The following SLC39A12 variants were observed in gnomAD, a reference collection of about 807,000 sequenced individuals.
SLC39A12 encodes solute carrier family 39 member 12.
SLC39A12 carries 63 observed loss-of-function variants against 71.1 expected under a neutral mutation model. That is an observed-to-expected ratio of 0.89 (90% CI 0.72 to 1.09). SLC39A12 has a LOEUF of 1.09. SLC39A12 is among the 50% of genes least tolerant of loss of function. The pLI is 0.00. For missense variants in SLC39A12, 892 were observed against 812.6 expected (o/e 1.10, Z -1.19); for synonymous variants, 351 against 301.3 (o/e 1.16, Z -1.71).
chr10:17,980,182 C>T (rs941511975), intron 5 of SLC39A12, among the ~76,000 whole-genome samples: 2 of 152,084 alleles, frequency 1.3e-5, no homozygotes, highest in African/African-American at 4.8e-5. Context: ...TCTTGGTTTT[C>T]TGATTTCAGT....
At chr10:17,959,304 G>A (rs1834627862) in intron 2 of SLC39A12, among the ~76,000 whole-genome samples, 1 of 151,966 alleles carries the variant, frequency 6.6e-6, no homozygotes, top group South Asian at 2.1e-4. Context: ...TTGAGAGTTG[G>A]TCTTAGTGGA....
chr10:17,992,267 T>A (rs1359149821), intron 8 of SLC39A12, among the ~76,000 whole-genome samples: 1 of 152,116 alleles, frequency 6.6e-6, no homozygotes, highest in Admixed American at 6.5e-5. Context: ...AAAATAATCA[T>A]AGGATCAAGG....
chr10:18,024,950 C>A (rs1836633484), intron 12 of SLC39A12, among the ~76,000 whole-genome samples: 1 of 152,124 alleles, frequency 6.6e-6, no homozygotes, highest in South Asian at 2.1e-4. Context: ...TTCTCCAACC[C>A]TTTACTTACA....
intron 3 of SLC39A12, among the ~76,000 whole-genome samples, chr10:17,963,398 G>A (rs921298105): frequency 1.3e-5 from 2 of 152,126 alleles, no homozygotes; most frequent in African/African-American, 4.8e-5. Context: ...CAGGTTTCTG[G>A]TTATCCCACA....
Position 18,042,814 on chromosome 10 carries a change from A to C in SLC39A12, c.2057A>C (p.Glu686Ala). The C allele has an allele frequency of 6.2e-7, 1 of 1,608,174 alleles. No homozygotes were observed. The highest frequency in any genetic ancestry group is 1.7e-5 in the Admixed American group (1 of 58,888). The change falls in exon 13 of 13, where the codon GAG becomes GCG. Residue 686 changes from glutamate (E) to alanine (A), a missense_variant. Transcript: ENST00000377369. ...WLSLLLLAIY[E>A]QNIKI Reference sequence around the variant, plus strand: ...TCTCTCCTGCTCTTGGCTATATATGAGCAAAATATTAAAATATAAGTGAGG... The same window carrying C: ...TCTCTCCTGCTCTTGGCTATATATGCGCAAAATATTAAAATATAAGTGAGG...
At position 18,043,117 on chromosome 10, in the gene SLC39A12, T is replaced by C. The variant is rs564817819; in HGVS notation, c.*284T>C. 2.2e-4 allele frequency: 38 copies of C among 176,460 alleles called. No homozygotes were observed. The highest frequency in any genetic ancestry group is 8.2e-4 in the African/African-American group (35 of 42,460). The allele number at this position is 176,460 out of a possible 1,614,324, so 10.9% of individuals were successfully genotyped here. On this transcript the variant is annotated 3_prime_UTR_variant, in exon 13 of 13. Coordinates refer to ENST00000377369, the MANE Select transcript of SLC39A12 (RefSeq NM_001145195.2). ...ATTCTGCATGAATTTTAGTAAACTT[T>C]AAAAAATAGATTTTTTCCCTAAGAA...
At chr10:17,988,060 C>A (rs956199094) in intron 7 of SLC39A12, among the ~76,000 whole-genome samples, 3 of 152,116 alleles carry the variant, frequency 2.0e-5, no homozygotes, top group Non-Finnish European at 4.4e-5. Flanking sequence ...GTAGTCCCAG[C>A]ACTTTGGGAG....
chr10:17,989,671 C>T (rs961856151), intron 7 of SLC39A12, among the ~76,000 whole-genome samples: 2 of 152,090 alleles, frequency 1.3e-5, no homozygotes, highest in African/African-American at 4.8e-5. Flanking sequence ...GTAATCCCAG[C>T]ACTTTGGGAG....
intron 6 of SLC39A12, among the ~76,000 whole-genome samples, chr10:17,984,562 G>T (rs1179365603): frequency 2.6e-5 from 4 of 152,130 alleles, no homozygotes; most frequent in African/African-American, 9.7e-5. Context: ...GAAAAGAATG[G>T]CATTCCCATA....
intron 6 of SLC39A12, 83 bp downstream of exon 6, chr10:17,981,566 C>A: frequency 8.9e-7 from 1 of 1,123,288 alleles, no homozygotes; most frequent in Non-Finnish European, 1.2e-6. Context: ...TTACTATATA[C>A]CAGGCTCTGT....
intron 2 of SLC39A12, among the ~76,000 whole-genome samples, chr10:17,957,212 G>T (rs533059283): frequency 6.6e-6 from 1 of 152,122 alleles, no homozygotes; most frequent in African/African-American, 2.4e-5. Context: ...CTACCAAGTT[G>T]TTTTTTGTCA....
In SLC39A12 at chr10:18,035,546, C is replaced by T. The variant is rs576996619; in HGVS notation, c.1948-7159C>T. ...GTATTGGTTATTCTAGTTTTACATT[C>T]TTCTAAATTTTTTTCAAAGTTTTCA... On this transcript the variant is annotated intron_variant, in intron 12 of 12. Coordinates refer to ENST00000377369, the MANE Select transcript of SLC39A12 (RefSeq NM_001145195.2). Among the ~76,000 whole-genome samples the T allele has an allele frequency of 2.6e-5, 4 of 151,730 alleles. No homozygotes were observed. In the South Asian group the frequency reaches 8.3e-4, roughly 32 times the overall value.
intron 12 of SLC39A12, among the ~76,000 whole-genome samples, chr10:18,036,780 A>ATTTTTTTT (rs1564665960): frequency 2.8e-4 from 2 of 7,050 alleles, no homozygotes; most frequent in African/African-American, 1.2e-3. Context: ...ATATATATAT[A>ATTTTTTTT]TATATATATA....
At chr10:17,964,938 G>T (rs1409082501) in intron 3 of SLC39A12, among the ~76,000 whole-genome samples, 1 of 152,208 alleles carries the variant, frequency 6.6e-6, no homozygotes, top group Non-Finnish European at 1.5e-5. Flanking sequence ...TGGGTGTGGT[G>T]GCTTATGCCT....
chr10:17,982,574 G>A (rs766420031), intron 6 of SLC39A12, among the ~76,000 whole-genome samples: 1 of 152,122 alleles, frequency 6.6e-6, no homozygotes, highest in African/African-American at 2.4e-5. Flanking sequence ...ACAAAAACAC[G>A]CCAGGCCTAA....
chr10:18,029,806 C>G (rs1023122912), intron 12 of SLC39A12, among the ~76,000 whole-genome samples: 1 of 150,586 alleles, frequency 6.6e-6, no homozygotes, highest in Admixed American at 6.6e-5. Context: ...TTTTAAATTT[C>G]TAACAAAAAA....
intron 10 of SLC39A12, among the ~76,000 whole-genome samples, chr10:17,999,244 T>G (rs1019505836): frequency 7.9e-6 from 1 of 126,904 alleles, no homozygotes; most frequent in South Asian, 2.3e-4. Flanking sequence ...GTAGTGAGCC[T>G]AGATCATGCT....
chr10:17,966,520 C>T (rs1834828585), intron 4 of SLC39A12, among the ~76,000 whole-genome samples: 1 of 151,966 alleles, frequency 6.6e-6, no homozygotes, highest in Non-Finnish European at 1.5e-5. Flanking sequence ...CTATGTTGCC[C>T]AGGCTGGTCT....
chr10:17,961,669 T>C lies in SLC39A12; in HGVS notation c.350T>C (p.Leu117Pro). 1 of 1,613,924 alleles carries C rather than the reference T, an allele frequency of 6.2e-7. No homozygotes were observed. The change falls in exon 3 of 13, where the codon CTC (leucine) becomes CCC (proline). Residue 117 changes from leucine (L) to proline (P), a missense_variant. Transcript: ENST00000377369. ...GAAGTGGTCCAGAGAGTTTCTCTTC[T>C]CCTTCTCTATTACATTATTCATCAG... The part of the protein sequence containing the change: ...REEVVQRVSL[L>P]LLYYIIHQEE...
Sources: allele counts gnomAD v4.1 joint callset (sites outside exome capture counted in the v4.1 genomes callset), GRCh38; gene constraint gnomAD v4.1.1; transcripts MANE v1.5; gene names NCBI Gene and HGNC (gene_info 2026-07-23, HGNC 2026-07-21).